The following PEBP4 variants were observed in gnomAD, a reference collection of about 807,000 sequenced individuals.
The protein encoded by PEBP4 is phosphatidylethanolamine-binding protein 4.
A neutral mutation model predicts 23.9 loss-of-function variants in PEBP4; 22 were observed. The observed-to-expected ratio is 0.92, with a 90% CI of 0.66 to 1.31. The LOEUF is 1.31. Ranked by LOEUF, PEBP4 falls within the 40% of genes most tolerant of loss-of-function variation. The probability of loss-of-function intolerance (pLI) is 0.00; values close to 1 mark genes in which losing one functional copy is unlikely to be tolerated. For missense variants in PEBP4, 324 were observed against 281.7 expected, an observed-to-expected ratio of 1.15 and a Z score of -1.07; for synonymous variants, 112 against 99.3, an observed-to-expected ratio of 1.13 and a Z score of -0.76.
At chr8:22,828,112 G>A (rs1451768423) in intron 3 of PEBP4, among the ~76,000 whole-genome samples, 1 of 152,124 alleles carries the variant, frequency 6.6e-6, no homozygotes, top group African/African-American at 2.4e-5. Flanking sequence ...ATTGTAATAG[G>A]TGTGTCCCAA....
intron 4 of PEBP4, among the ~76,000 whole-genome samples, chr8:22,729,039 G>T (rs1804680314): frequency 6.6e-6 from 1 of 152,206 alleles, no homozygotes; most frequent in African/African-American, 2.4e-5. Context: ...TCTCAGCACA[G>T]TCCCCCAACT....
chr8:22,848,478 GT>G (rs61138314), intron 3 of PEBP4, among the ~76,000 whole-genome samples: 65,974 of 151,746 alleles, frequency 0.43, 15,191 homozygotes, highest in East Asian at 0.67. Context: ...AGAAGGGGAA[GT>G]TGTGTGTGTG....
At chr8:22,776,532 C>T (rs542963898) in intron 4 of PEBP4, among the ~76,000 whole-genome samples, 5 of 151,988 alleles carry the variant, frequency 3.3e-5, no homozygotes, top group African/African-American at 7.2e-5. Flanking sequence ...TCTTTCGTTC[C>T]GGCTGCCACT....
upstream of PEBP4, among the ~76,000 whole-genome samples, chr8:22,928,086 GCC>G (rs34096784): frequency 6.6e-6 from 1 of 152,228 alleles, no homozygotes; most frequent in Non-Finnish European, 1.5e-5. Flanking sequence ...CCTGCTGTTG[GCC>G]CAGGGATGGT....
At chr8:22,814,407 T>C (rs1405854407) in intron 4 of PEBP4, among the ~76,000 whole-genome samples, 1 of 152,234 alleles carries the variant, frequency 6.6e-6, no homozygotes, top group Non-Finnish European at 1.5e-5. Flanking sequence ...TTATTTAAGT[T>C]ATCCAAAGTT....
intron 3 of PEBP4, among the ~76,000 whole-genome samples, chr8:22,905,718 A>G (rs547728104): frequency 3.3e-5 from 5 of 152,292 alleles, no homozygotes; most frequent in South Asian, 2.1e-4. Flanking sequence ...GCAGGACCTG[A>G]CCTGCCTGCT....
At chr8:22,732,783 G>A (rs1804766510) in intron 4 of PEBP4, among the ~76,000 whole-genome samples, 1 of 152,056 alleles carries the variant, frequency 6.6e-6, no homozygotes. Context: ...AGAGAGGAGG[G>A]CTCAACACTG....
chr8:22,785,160 G>A (rs1025595992), intron 4 of PEBP4, among the ~76,000 whole-genome samples: 7 of 152,160 alleles, frequency 4.6e-5, no homozygotes, highest in East Asian at 3.9e-4. Context: ...ACGGGGGCCC[G>A]GCAACTTCTC....
chr8:22,728,707 C>G (rs944597171), intron 4 of PEBP4, among the ~76,000 whole-genome samples: 3 of 151,968 alleles, frequency 2.0e-5, no homozygotes, highest in African/African-American at 7.3e-5. Flanking sequence ...AAGCGATTCT[C>G]CTGCCTCAAC....
intron 4 of PEBP4, among the ~76,000 whole-genome samples, chr8:22,762,953 G>A (rs781460279): frequency 6.6e-6 from 1 of 151,978 alleles, no homozygotes; most frequent in Admixed American, 6.5e-5. Flanking sequence ...ACACAAGAAC[G>A]ACCAAGGGCC....
intron 3 of PEBP4, among the ~76,000 whole-genome samples, chr8:22,842,548 T>C (rs544354630): frequency 6.6e-6 from 1 of 152,318 alleles, no homozygotes; most frequent in East Asian, 1.9e-4. Context: ...AGGGAGAACC[T>C]TAAAAACCTG....
intron 6 of PEBP4, 45 bp downstream of exon 6, chr8:22,724,798 C>A: frequency 6.7e-7 from 1 of 1,484,350 alleles, no homozygotes; most frequent in South Asian, 1.1e-5. Flanking sequence ...TTGTTCCACC[C>A]CAGAATTCAC....
chr8:22,733,794 GGGGA>G (rs1433909690), intron 4 of PEBP4, among the ~76,000 whole-genome samples: 1 of 12,908 alleles, frequency 7.7e-5, no homozygotes, highest in Non-Finnish European at 9.0e-4. Flanking sequence ...TGGGGGGTTT[GGGGA>G]GGGTGGGGAT....
At chr8:22,938,060 CA>C (rs1400695503) in intron 1 of PEBP4, among the ~76,000 whole-genome samples, 1 of 151,914 alleles carries the variant, frequency 6.6e-6, no homozygotes, top group Non-Finnish European at 1.5e-5. Context: ...GCGGAGGCAG[CA>C]AAAGTAGACT....
At chr8:22,847,004 A>G (rs1270710332) in intron 3 of PEBP4, among the ~76,000 whole-genome samples, 1 of 152,160 alleles carries the variant, frequency 6.6e-6, no homozygotes, top group Non-Finnish European at 1.5e-5. Context: ...TCTACAAAAA[A>G]TTTTTAAAAA....
intron 3 of PEBP4, among the ~76,000 whole-genome samples, chr8:22,904,256 AGAG>A (rs975143993): frequency 2.0e-5 from 3 of 152,204 alleles, no homozygotes; most frequent in African/African-American, 7.2e-5. Context: ...CGTACCTGGA[AGAG>A]GAGAAGGAGC....
intron 6 of PEBP4, among the ~76,000 whole-genome samples, chr8:22,717,296 C>G (rs921204473): frequency 6.6e-6 from 1 of 152,210 alleles, no homozygotes; most frequent in East Asian, 1.9e-4. Flanking sequence ...CTGGGCCTCC[C>G]AAAGTGCTGG....
intron 4 of PEBP4, among the ~76,000 whole-genome samples, chr8:22,742,102 A>C (rs1314604296): frequency 6.6e-6 from 1 of 152,080 alleles, no homozygotes; most frequent in East Asian, 1.9e-4. Context: ...TCCTCTGAGG[A>C]GTCTGGGATT....
chr8:22,907,519 A>C (rs1808841757), intron 3 of PEBP4, among the ~76,000 whole-genome samples: 1 of 152,150 alleles, frequency 6.6e-6, no homozygotes, highest in African/African-American at 2.4e-5. Flanking sequence ...CTCAAAAGAC[A>C]GAAAAAAGAG....
Sources: gnomAD v4.1 joint callset for allele counts (sites outside exome capture counted in the v4.1 genomes callset) on GRCh38, gnomAD v4.1.1 for gene constraint, MANE v1.5 for transcripts, NCBI Gene and HGNC (gene_info 2026-07-23, HGNC 2026-07-21) for gene names.